DLG4: variants seen among roughly 807,000 people sequenced by gnomAD.
DLG4 encodes discs large MAGUK scaffold protein 4.
In DLG4, 7 loss-of-function variants were observed where a neutral mutation model predicts 93.8. That is an observed-to-expected ratio of 0.07 (90% CI 0.04 to 0.14). DLG4 has a LOEUF of 0.14. Ranked by LOEUF, DLG4 falls within the 10% of genes least tolerant of loss-of-function variation. DLG4 has a pLI of 1.00. For synonymous variants in DLG4, 341 were observed against 387.6 expected, an observed-to-expected ratio of 0.88 and a Z score of 1.41; for missense variants, 545 against 992.9, an observed-to-expected ratio of 0.55 and a Z score of 6.06.
rs1336744487 is a variant in DLG4 at position 7,195,018 on chromosome 17, C to CAAAAAAAAAAAA, written c.1302-535_1302-524dup. ...TGGGCAACGGAGCGAGACACCGTCT[C>CAAAAAAAAAAAA]AAAAAAAAAAAAAAAGAAAAAGAAA... On this transcript the variant is annotated intron_variant, in intron 11 of 19. Transcript: ENST00000399506. The surrounding 1 kb of genome is among the most constrained non-coding windows in gnomAD (Gnocchi z 4.3). Among the ~76,000 whole-genome samples the CAAAAAAAAAAAA allele has an allele frequency of 1.4e-5, 1 of 72,296 alleles. No homozygotes were observed. The allele number at this position is 72,296 out of a possible 152,430, so 47.4% of individuals were successfully genotyped here.
In DLG4 at chr17:7,196,026, A is replaced by G. The variant is rs2069761441; in HGVS notation, c.1301+194T>C. 6.6e-6 allele frequency among the ~76,000 whole-genome samples: 1 copy of G among 152,026 alleles called. No homozygotes were observed. On this transcript the variant is annotated intron_variant, in intron 11 of 19. Coordinates refer to ENST00000399506, the MANE Select transcript of DLG4 (RefSeq NM_001321075.3). The surrounding 1 kb of genome is among the most constrained non-coding windows in gnomAD (Gnocchi z 8.3). ...AATTGGGATACTTGGGGCAGAGGCT[A>G]TTTTCCCATCGACAGGGAGTATTTC...
At position 7,191,420 on chromosome 17, in the gene DLG4, C is replaced by T. The variant is rs1322810051; in HGVS notation, c.1977-62G>A. 3 of 1,274,640 alleles carry T rather than the reference C, an allele frequency of 2.4e-6. No individual in the cohort carries two copies. The African/African-American group carries it at 4.4e-5, about 19-fold the overall frequency. 79.0% of individuals were successfully genotyped at this position (1,274,640 alleles called of 1,614,324 possible). On this transcript the variant is annotated intron_variant, in intron 18 of 19. Coordinates refer to ENST00000399506, the MANE Select transcript of DLG4 (RefSeq NM_001321075.3). The surrounding 1 kb of genome is among the most constrained non-coding windows in gnomAD (Gnocchi z 6.6). Reference sequence around the variant, plus strand: ...CCCACCTGACCCTGCCTTTTATCTCCTCTATCCAGGAATGTTAAGTATTCT... The same window carrying T: ...CCCACCTGACCCTGCCTTTTATCTCTTCTATCCAGGAATGTTAAGTATTCT...
upstream of DLG4, chr17:7,217,781 C>T: frequency 6.5e-7 from 1 of 1,535,288 alleles, no homozygotes; most frequent in Middle Eastern, 1.7e-4. Context: ...AACATGGAGA[C>T]CTGGCCAGCC....
intron 8 of DLG4, among the ~76,000 whole-genome samples, chr17:7,200,865 T>G (rs1161861457): frequency 7.0e-6 from 1 of 141,866 alleles, no homozygotes; most frequent in African/African-American, 2.6e-5. Flanking sequence ...GGTTTTTTTT[T>G]TTTTTTTTTT....
At chr17:7,216,183 C>T (rs977913807) in intron 1 of DLG4, among the ~76,000 whole-genome samples, 1 of 151,984 alleles carries the variant, frequency 6.6e-6, no homozygotes. Context: ...GGTGTCCTCC[C>T]CCACCTTGAT....
At chr17:7,202,381 A>G (rs1037255571) in intron 8 of DLG4, among the ~76,000 whole-genome samples, 2 of 152,232 alleles carry the variant, frequency 1.3e-5, no homozygotes, top group South Asian at 4.1e-4. Flanking sequence ...ACGTTTTAAT[A>G]TATGAATCAT....
Position 7,194,619 on chromosome 17 carries a change from G to T in DLG4, c.1302-124C>A. 1 of 1,054,288 alleles carries T rather than the reference G, an allele frequency of 9.5e-7. No homozygotes were observed. The highest frequency in any genetic ancestry group is 1.3e-6 in the Non-Finnish European group (1 of 742,252). The allele number at this position is 1,054,288 out of a possible 1,614,324, so 65.3% of individuals were successfully genotyped here. A position where few individuals can be genotyped will look rare whatever the true frequency, so the allele number is the denominator to read the frequency against. On this transcript the variant is annotated intron_variant, in intron 11 of 19. Transcript: ENST00000399506. The surrounding 1 kb of genome is among the most constrained non-coding windows in gnomAD (Gnocchi z 4.4). ...TCCCATGGGAGCTATGGATGCCGAG[G>T]AACCCAAAACTGTGTGGGGACCAAA...
At chr17:7,218,744 C>A, upstream of DLG4, 1 of 1,584,818 alleles carries the variant, frequency 6.3e-7, no homozygotes, top group South Asian at 1.1e-5. Context: ...CCAGCCCCTA[C>A]GGAAAGATTT....
chr17:7,189,220 G>A lies in DLG4; in HGVS notation c.*1488C>T, dbSNP rs137972150. On this transcript the variant is annotated 3_prime_UTR_variant, in exon 20 of 20. Coordinates refer to ENST00000399506, the MANE Select transcript of DLG4 (RefSeq NM_001321075.3). Reference sequence around the variant, plus strand: ...TAAAGATCATTTCCAGGCCAGGCGCGGTGGCTCACGCCTGTAATCCCAGCA... The same window carrying A: ...TAAAGATCATTTCCAGGCCAGGCGCAGTGGCTCACGCCTGTAATCCCAGCA... 5.9e-3 allele frequency among the ~76,000 whole-genome samples: 899 copies of A among 151,642 alleles called. 2 individuals carry two copies. Among genetic ancestry groups the A allele is most frequent in the Middle Eastern group, 0.014 (4 of 290 alleles).
At position 7,217,491 on chromosome 17, in the gene DLG4, G is replaced by A. The variant is rs1364083691; in HGVS notation, c.-344C>T. The A allele has an allele frequency of 1.9e-6, 1 of 512,846 alleles. No homozygotes were observed. The highest frequency in any genetic ancestry group is 3.2e-6 in the Non-Finnish European group (1 of 317,352). The allele number at this position is 512,846 out of a possible 1,614,324, so 31.8% of individuals were successfully genotyped here. On this transcript the variant is annotated 5_prime_UTR_variant, in exon 1 of 20. Coordinates refer to ENST00000399506, the MANE Select transcript of DLG4 (RefSeq NM_001321075.3). ...GGGTGGGGGAGGGGAACTGGATTTC[G>A]GGGAGCCCCGGGGTAGGGGGGGGTC...
In DLG4 at chr17:7,194,636, G is replaced by A; in HGVS notation, c.1302-141C>T. 1.3e-6 allele frequency: 1 copy of A among 795,106 alleles called. No individual in the cohort carries two copies. Among genetic ancestry groups the A allele is most frequent in the Non-Finnish European group, 2.0e-6 (1 of 509,558 alleles). 49.3% of individuals were successfully genotyped at this position (795,106 alleles called of 1,614,324 possible). A position where few individuals can be genotyped will look rare whatever the true frequency, so the allele number is the denominator to read the frequency against. ...ATGCCGAGGAACCCAAAACTGTGTG[G>A]GGACCAAACGCTGACTATAACTCAT... On this transcript the variant is annotated intron_variant, in intron 11 of 19. Coordinates refer to ENST00000399506, the MANE Select transcript of DLG4 (RefSeq NM_001321075.3). The surrounding 1 kb of genome is among the most constrained non-coding windows in gnomAD (Gnocchi z 4.4).
At chr17:7,217,736 G>C (rs1057510979), upstream of DLG4, 3 of 1,535,152 alleles carry the variant, frequency 2.0e-6, no homozygotes, top group African/African-American at 2.7e-5. Context: ...AATGGGAAAG[G>C]AGATAGAAGC....
upstream of DLG4, chr17:7,218,208 C>T (rs375520253): frequency 7.7e-5 from 123 of 1,593,060 alleles, 1 homozygote; most frequent in Middle Eastern, 3.3e-3. Flanking sequence ...GCCTGCCCCT[C>T]AGGAAGTTAG....
At chr17:7,200,300 A>G (rs2070050273) in intron 8 of DLG4, among the ~76,000 whole-genome samples, 1 of 152,194 alleles carries the variant, frequency 6.6e-6, no homozygotes, top group South Asian at 2.1e-4. Flanking sequence ...GATCTTTAGC[A>G]TATTAAGTTT....
At chr17:7,201,889 A>G (rs2070157796) in intron 8 of DLG4, among the ~76,000 whole-genome samples, 1 of 152,174 alleles carries the variant, frequency 6.6e-6, no homozygotes, top group African/African-American at 2.4e-5. Context: ...TTCAAGAAAA[A>G]AATTAAAATT....
At chr17:7,192,350 G>T (rs2069547073) in intron 17 of DLG4, 3 of 289,562 alleles carry the variant, frequency 1.0e-5, no homozygotes, top group Non-Finnish European at 1.9e-5. Context: ...GACACAGGCG[G>T]GAAGGAAAGC....
At chr17:7,218,468 G>A, upstream of DLG4, 1 of 1,472,720 alleles carries the variant, frequency 6.8e-7, no homozygotes, top group Non-Finnish European at 9.3e-7. Flanking sequence ...ATGATCTCTG[G>A]GCTCCCAAAC....
At chr17:7,205,524 C>A (rs1384388298) in intron 2 of DLG4, among the ~76,000 whole-genome samples, 2 of 152,240 alleles carry the variant, frequency 1.3e-5, no homozygotes, top group Non-Finnish European at 2.9e-5. Flanking sequence ...AGGGGTCCCT[C>A]CCCTCTCCTA....
rs1420305924 is a variant in DLG4 at position 7,194,172 on chromosome 17, A to G, written c.1478+147T>C. The G allele has an allele frequency of 7.5e-7, 1 of 1,329,424 alleles. No homozygotes were observed. Among genetic ancestry groups the G allele is most frequent in the Non-Finnish European group, 1.0e-6 (1 of 979,434 alleles). 82.4% of individuals were successfully genotyped at this position (1,329,424 alleles called of 1,614,324 possible). The stretch of plus-strand genomic sequence containing the variant: ...AAGGAGTTGTCCTTCCCAAAGGCTC[A>G]TGGGAGCCACGGACCCCAGGAGGGC... On this transcript the variant is annotated intron_variant, in intron 12 of 19. Coordinates refer to ENST00000399506, the MANE Select transcript of DLG4 (RefSeq NM_001321075.3). This position sits in a 1 kb window ranked among gnomAD's most constrained non-coding sequence, Gnocchi z 4.4.
Sources: allele counts gnomAD v4.1 joint callset (sites outside exome capture counted in the v4.1 genomes callset), GRCh38; gene constraint gnomAD v4.1.1; non-coding constraint Gnocchi (gnomAD v3.1); transcripts MANE v1.5; gene names NCBI Gene and HGNC (gene_info 2026-07-23, HGNC 2026-07-21).